AKAP6: variants seen among roughly 807,000 people sequenced by gnomAD.
AKAP6 encodes A-kinase anchor protein 6.
In AKAP6, 58 loss-of-function variants were observed where a neutral mutation model predicts 188.5. That is an observed-to-expected ratio of 0.31 (90% CI 0.25 to 0.38). The LOEUF is 0.38. Among genes scored for constraint, AKAP6 ranks in the 10% least tolerant of loss-of-function variants. AKAP6 has a pLI of 1.00. For missense variants in AKAP6, 2,710 were observed against 2,740.0 expected, an observed-to-expected ratio of 0.99 and a Z score of 0.24; for synonymous variants, 989 against 998.6, an observed-to-expected ratio of 0.99 and a Z score of 0.18.
chr14:32,785,730 A>C (rs972671333), intron 12 of AKAP6, among the ~76,000 whole-genome samples: 3 of 152,122 alleles, frequency 2.0e-5, no homozygotes, highest in African/African-American at 7.2e-5. Flanking sequence ...GATCTTGTAC[A>C]GGACAACTTC....
intron 2 of AKAP6, among the ~76,000 whole-genome samples, chr14:32,507,541 G>GT (rs201941553): frequency 0.077 from 11,424 of 147,992 alleles, 453 homozygotes; most frequent in Admixed American, 0.11. Context: ...CATTGTGGTG[G>GT]TTTTTTTTTT....
Position 32,500,417 on chromosome 14 carries a change from T to C in AKAP6, c.325-35137T>C, listed in dbSNP as rs548191066. On this transcript the variant is annotated intron_variant, in intron 2 of 13. Transcript: ENST00000280979. Reference sequence around the variant, plus strand: ...TCTTATTACAAGGACAGAGGGATAATACAATAGTGAACCAATGATCACTTC... The same window carrying C: ...TCTTATTACAAGGACAGAGGGATAACACAATAGTGAACCAATGATCACTTC... 8.5e-5 allele frequency among the ~76,000 whole-genome samples: 13 copies of C among 152,286 alleles called. No homozygotes were observed. In the South Asian group the frequency reaches 1.9e-3, roughly 22 times the overall value.
At chr14:32,385,604 T>G (rs1265281691) in intron 1 of AKAP6, among the ~76,000 whole-genome samples, 1 of 151,686 alleles carries the variant, frequency 6.6e-6, no homozygotes, top group Non-Finnish European at 1.5e-5. Flanking sequence ...TGTGTCATTC[T>G]TATGCCTTTG....
At chr14:32,633,676 G>A (rs1273626693) in intron 7 of AKAP6, among the ~76,000 whole-genome samples, 1 of 152,106 alleles carries the variant, frequency 6.6e-6, no homozygotes, top group Non-Finnish European at 1.5e-5. Flanking sequence ...AAGACAGATA[G>A]AGAAAACCCG....
chr14:32,797,991 A>C (rs1023259880), intron 12 of AKAP6, among the ~76,000 whole-genome samples: 4 of 152,050 alleles, frequency 2.6e-5, no homozygotes, highest in African/African-American at 9.7e-5. Flanking sequence ...TCTGCAAACT[A>C]TGCATGTGAC....
At chr14:32,471,567 T>C (rs1480449051) in intron 2 of AKAP6, among the ~76,000 whole-genome samples, 1 of 152,224 alleles carries the variant, frequency 6.6e-6, no homozygotes, top group Non-Finnish European at 1.5e-5. Flanking sequence ...GCCATTGTCT[T>C]TTCTCCTAAG....
At chr14:32,467,773 C>G (rs923611339) in intron 2 of AKAP6, among the ~76,000 whole-genome samples, 1 of 152,002 alleles carries the variant, frequency 6.6e-6, no homozygotes, top group African/African-American at 2.4e-5. Flanking sequence ...CCTGCAATAT[C>G]ACACATTTTA....
intron 8 of AKAP6, among the ~76,000 whole-genome samples, chr14:32,690,276 A>T (rs1890123999): frequency 6.6e-6 from 1 of 152,180 alleles, no homozygotes; most frequent in African/African-American, 2.4e-5. Context: ...ATATTCACAC[A>T]CACACACCTC....
intron 2 of AKAP6, among the ~76,000 whole-genome samples, chr14:32,476,624 G>A (rs1028571430): frequency 1.2e-4 from 19 of 152,168 alleles, no homozygotes; most frequent in African/African-American, 4.6e-4. Context: ...ACACCGGGCC[G>A]CAAGTTGAAG....
At chr14:32,675,232 A>T (rs370843847) in intron 7 of AKAP6, among the ~76,000 whole-genome samples, 11 of 152,136 alleles carry the variant, frequency 7.2e-5, no homozygotes, top group Non-Finnish European at 5.9e-5. Flanking sequence ...TCCTACTCCT[A>T]TTGATGGCAT....
intron 7 of AKAP6, among the ~76,000 whole-genome samples, chr14:32,631,784 A>G (rs761114466): frequency 5.3e-5 from 8 of 152,082 alleles, no homozygotes; most frequent in Non-Finnish European, 1.0e-4. Context: ...TTGATTGTCA[A>G]TTTAGGTAAA....
chr14:32,655,214 T>C (rs1231610371), intron 7 of AKAP6, among the ~76,000 whole-genome samples: 1 of 152,190 alleles, frequency 6.6e-6, no homozygotes, highest in Non-Finnish European at 1.5e-5. Flanking sequence ...AGTTAAGGTA[T>C]GAAGGCCCTA....
At chr14:32,759,832 A>G (rs761515) in intron 11 of AKAP6, among the ~76,000 whole-genome samples, 134,023 of 152,086 alleles carry the variant, frequency 0.88, 59,071 homozygotes, top group Admixed American at 0.92. Flanking sequence ...ATCTTCCCCC[A>G]TGACCCAAAC....
chr14:32,713,051 G>A (rs528641521), intron 9 of AKAP6, among the ~76,000 whole-genome samples: 1 of 152,076 alleles, frequency 6.6e-6, no homozygotes, highest in East Asian at 1.9e-4. Flanking sequence ...TGATCCATGG[G>A]CCACAGAATG....
intron 1 of AKAP6, among the ~76,000 whole-genome samples, chr14:32,431,606 G>A (rs1432766351): frequency 2.0e-5 from 3 of 152,028 alleles, no homozygotes; most frequent in East Asian, 1.9e-4. Context: ...TCCCCCTCCC[G>A]GGTTCAAGCC....
intron 2 of AKAP6, among the ~76,000 whole-genome samples, chr14:32,515,143 A>T (rs1203762176): frequency 6.6e-6 from 1 of 152,196 alleles, no homozygotes; most frequent in Non-Finnish European, 1.5e-5. Context: ...GCAGAAGGCA[A>T]AGGAGAAACA....
rs543762105 is a variant in AKAP6, at chr14:32,622,164, G to A, written c.2730+21372G>A. On this transcript the variant is annotated intron_variant, in intron 7 of 13. Transcript: ENST00000280979. ...CTATCTAGTTAGTTCCTACTATTTC[G>A]TTTTAGCTACTTACTGCTTCATAAT... Among the ~76,000 whole-genome samples, 11 of 152,010 alleles carry A rather than the reference G, an allele frequency of 7.2e-5. No homozygotes were observed. In the East Asian group the frequency reaches 7.7e-4, roughly 11 times the overall value.
intron 7 of AKAP6, among the ~76,000 whole-genome samples, chr14:32,670,032 G>A (rs1889113490): frequency 6.6e-6 from 1 of 151,886 alleles, no homozygotes; most frequent in African/African-American, 2.4e-5. Flanking sequence ...AGGAGGCTGA[G>A]GTTGCAATGA....
intron 1 of AKAP6, among the ~76,000 whole-genome samples, chr14:32,415,804 A>G (rs779484837): frequency 3.3e-5 from 5 of 152,140 alleles, no homozygotes; most frequent in African/African-American, 4.8e-5. Context: ...TTTTGTGACC[A>G]TCTTATTTAA....
Sources: allele counts gnomAD v4.1 joint callset (sites outside exome capture counted in the v4.1 genomes callset), GRCh38; gene constraint gnomAD v4.1.1; transcripts MANE v1.5; gene names NCBI Gene and HGNC (gene_info 2026-07-23, HGNC 2026-07-21).